WDHD1: variants seen among roughly 807,000 people sequenced by gnomAD.
WDHD1 encodes the protein WD repeat and HMG-box DNA binding protein 1.
In WDHD1, 111 loss-of-function variants were observed where a neutral mutation model predicts 135.4. The observed-to-expected ratio is 0.82, with a 90% CI of 0.70 to 0.96. WDHD1 has a LOEUF of 0.96. WDHD1 is among the 40% of genes least tolerant of loss of function. The pLI is 0.00. For missense variants in WDHD1, 1,351 were observed against 1,336.3 expected (o/e 1.01, Z -0.17); for synonymous variants, 434 against 439.0 (o/e 0.99, Z 0.14).
In WDHD1 at chr14:55,027,038, G is replaced by C; in HGVS notation, c.-27C>G. The stretch of plus-strand genomic sequence containing the variant: ...GGAGTGGGGACTCACCCGGGTGACC[G>C]AGCCTCCGCCACTGAGGATCCACAA... On this transcript the variant is annotated 5_prime_UTR_variant, in exon 1 of 26. Coordinates refer to ENST00000360586, the MANE Select transcript of WDHD1 (RefSeq NM_007086.4). The C allele has an allele frequency of 6.1e-6, 3 of 492,946 alleles. No individual in the cohort carries two copies. The highest frequency in any genetic ancestry group is 2.3e-5 in the South Asian group (1 of 43,024). 30.5% of individuals were successfully genotyped at this position (492,946 alleles called of 1,614,324 possible).
At chr14:55,021,977 T>C (rs1159596662) in intron 2 of WDHD1, among the ~76,000 whole-genome samples, 1 of 152,216 alleles carries the variant, frequency 6.6e-6, no homozygotes, top group African/African-American at 2.4e-5. Context: ...ATGACAATCC[T>C]TTCCATAGAT....
At chr14:54,996,895 G>T (rs1220250730) in intron 10 of WDHD1, among the ~76,000 whole-genome samples, 3 of 151,756 alleles carry the variant, frequency 2.0e-5, no homozygotes, top group African/African-American at 7.3e-5. Flanking sequence ...GGGTTCAAGC[G>T]ATTCTCCTGC....
At chr14:54,944,631 T>TC (rs1262194268) in intron 24 of WDHD1, 161 bp from the exon 25 acceptor site, 1 of 730,644 alleles carries the variant, frequency 1.4e-6, no homozygotes, top group African/African-American at 1.9e-5. Flanking sequence ...TTTTTTTTTT[T>TC]TTTTTTGAGA....
At chr14:54,967,019 C>A (rs1272105478) in intron 17 of WDHD1, among the ~76,000 whole-genome samples, 2 of 152,162 alleles carry the variant, frequency 1.3e-5, no homozygotes, top group Non-Finnish European at 2.9e-5. Flanking sequence ...CAGGGACATG[C>A]CCCATCCTGA....
chr14:54,954,343 A>G (rs77356959), intron 24 of WDHD1, among the ~76,000 whole-genome samples: 2,945 of 152,284 alleles, frequency 0.019, 70 homozygotes, highest in African/African-American at 0.058. Flanking sequence ...GAAAATAGGT[A>G]ACATACTGTG....
At chr14:54,952,292 A>T (rs184813492) in intron 24 of WDHD1, among the ~76,000 whole-genome samples, 187 of 152,372 alleles carry the variant, frequency 1.2e-3, no homozygotes, top group Non-Finnish European at 9.8e-4. Context: ...ACTTCAGCAA[A>T]GTCTCAGGAT....
chr14:55,022,268 G>A (rs2042361376), intron 2 of WDHD1, among the ~76,000 whole-genome samples: 2 of 152,172 alleles, frequency 1.3e-5, no homozygotes, highest in Non-Finnish European at 2.9e-5. Context: ...CTAAGAGACT[G>A]GAGTTTATCT....
At chr14:55,000,779 C>G in intron 9 of WDHD1, 107 bp downstream of exon 9, 1 of 1,107,712 alleles carries the variant, frequency 9.0e-7, no homozygotes, top group African/African-American at 1.6e-5. Flanking sequence ...TTTAATTATA[C>G]TTTCATTCTG....
chr14:54,976,607 C>G (rs187841815), intron 16 of WDHD1, among the ~76,000 whole-genome samples: 2 of 152,260 alleles, frequency 1.3e-5, no homozygotes, highest in African/African-American at 4.8e-5. Context: ...GTACCGCTAT[C>G]CACAGAAAGG....
chr14:54,993,998 C>T (rs750239457), intron 11 of WDHD1, among the ~76,000 whole-genome samples: 86 of 152,292 alleles, frequency 5.6e-4, no homozygotes, highest in Non-Finnish European at 7.3e-4. Context: ...AAAAGCACAA[C>T]ATAGCACTGC....
At chr14:55,015,129 T>C (rs1417288228) in intron 2 of WDHD1, among the ~76,000 whole-genome samples, 2 of 152,114 alleles carry the variant, frequency 1.3e-5, no homozygotes, top group African/African-American at 2.4e-5. Flanking sequence ...CCTGGCATTG[T>C]CCAGGAATTT....
intron 2 of WDHD1, among the ~76,000 whole-genome samples, chr14:55,018,738 C>T (rs2042298082): frequency 6.6e-6 from 1 of 152,184 alleles, no homozygotes; most frequent in Admixed American, 6.5e-5. Flanking sequence ...TACCTTAGAA[C>T]CTAACATTTT....
chr14:54,978,581 G>C (rs2041564883), intron 16 of WDHD1, among the ~76,000 whole-genome samples: 1 of 150,130 alleles, frequency 6.7e-6, no homozygotes, highest in Non-Finnish European at 1.5e-5. Flanking sequence ...TGATACCCTG[G>C]CTCTAAAAAA....
At chr14:54,964,596 G>A (rs1304952455) in intron 18 of WDHD1, among the ~76,000 whole-genome samples, 2 of 151,370 alleles carry the variant, frequency 1.3e-5, no homozygotes, top group Admixed American at 6.6e-5. Context: ...CAGAGATCGC[G>A]CCACTGCACT....
chr14:55,026,240 A>C (rs2042437594), intron 2 of WDHD1, among the ~76,000 whole-genome samples: 1 of 152,224 alleles, frequency 6.6e-6, no homozygotes, highest in African/African-American at 2.4e-5. Context: ...ACTTGGAAAG[A>C]TAAAAGGGAC....
intron 7 of WDHD1, among the ~76,000 whole-genome samples, chr14:55,004,514 G>A (rs890278921): frequency 6.6e-6 from 1 of 151,790 alleles, no homozygotes; most frequent in African/African-American, 2.4e-5. Context: ...GTGCAGTATT[G>A]TGATCTTGGC....
chr14:54,949,377 CAATCAACTGGAAG>C (rs2040997962), intron 24 of WDHD1, among the ~76,000 whole-genome samples: 1 of 152,030 alleles, frequency 6.6e-6, no homozygotes, highest in African/African-American at 2.4e-5. Flanking sequence ...GTAGCCAATT[CAATCAACTGGAAG>C]AAAGGGTATC....
chr14:54,966,460 A>AT lies in WDHD1; in HGVS notation c.2310+14dup. 6.3e-7 allele frequency: 1 copy of AT among 1,589,342 alleles called. No homozygotes were observed. The highest frequency in any genetic ancestry group is 2.2e-5 in the East Asian group (1 of 44,578). ...CATTTAACTTTAACGTTTTCAGTAT[A>AT]TTTATTTTACTCACCGCAAGCATTT... is the stretch of plus-strand genomic sequence containing the variant. On this transcript the variant is annotated intron_variant, in intron 18 of 25. Transcript: ENST00000360586.
At chr14:54,974,865 C>T (rs958141491) in intron 16 of WDHD1, among the ~76,000 whole-genome samples, 10 of 152,060 alleles carry the variant, frequency 6.6e-5, no homozygotes, top group African/African-American at 1.4e-4. Flanking sequence ...AAAACTAGGT[C>T]GTGTCCAGAT....
Sources: allele counts gnomAD v4.1 joint callset (sites outside exome capture counted in the v4.1 genomes callset), GRCh38; gene constraint gnomAD v4.1.1; transcripts MANE v1.5; gene names NCBI Gene and HGNC (gene_info 2026-07-23, HGNC 2026-07-21).